Variants in EFR3A observed in about 807,000 individuals in gnomAD.
The protein encoded by EFR3A is protein EFR3 homolog A.
In EFR3A, 76 loss-of-function variants were observed where a neutral mutation model predicts 104.4. The ratio of observed to expected loss-of-function variants is 0.73; its 90% CI spans 0.60 to 0.88. EFR3A has a LOEUF of 0.88. Ranked by LOEUF, EFR3A falls within the 40% of genes least tolerant of loss-of-function variation. EFR3A has a pLI of 0.00. For missense variants in EFR3A, 985 were observed against 1,012.5 expected (o/e 0.97, Z 0.37); for synonymous variants, 330 against 330.0 (o/e 1.00, Z 0.00).
chr8:131,912,204 A>G (rs1272704293), intron 1 of EFR3A, among the ~76,000 whole-genome samples: 1 of 152,204 alleles, frequency 6.6e-6, no homozygotes, highest in Non-Finnish European at 1.5e-5. Flanking sequence ...GTGTGGTACT[A>G]GAACCCAGCT....
intron 10 of EFR3A, among the ~76,000 whole-genome samples, chr8:131,974,165 G>C (rs1820211745): frequency 6.6e-6 from 1 of 152,062 alleles, no homozygotes; most frequent in Non-Finnish European, 1.5e-5. Context: ...TAATTACTTT[G>C]GTATGTAACC....
chr8:131,904,412 G>A, intron 1 of EFR3A, 90 bp downstream of exon 1: 1 of 1,173,564 alleles, frequency 8.5e-7, no homozygotes, highest in Non-Finnish European at 1.1e-6. Flanking sequence ...CGGCTGGGGA[G>A]GCTGGGCCGC....
At chr8:131,990,959 T>C (rs1417062792) in intron 18 of EFR3A, among the ~76,000 whole-genome samples, 1 of 152,060 alleles carries the variant, frequency 6.6e-6, no homozygotes, top group East Asian at 1.9e-4. Context: ...TGTGTTTTGT[T>C]TTTCTGGGAG....
intron 1 of EFR3A, among the ~76,000 whole-genome samples, chr8:131,909,775 A>G (rs938505039): frequency 6.6e-6 from 1 of 152,184 alleles, no homozygotes; most frequent in Non-Finnish European, 1.5e-5. Flanking sequence ...ACGAACTGGA[A>G]GCCAGGAGTA....
chr8:131,965,860 A>G lies in EFR3A; in HGVS notation c.856-2435A>G, dbSNP rs911193250. Among the ~76,000 whole-genome samples the G allele has an allele frequency of 1.1e-4, 17 of 152,068 alleles. 1 individual carries two copies. Among genetic ancestry groups the G allele is most frequent in the Admixed American group, 1.0e-3 (16 of 15,252 alleles). On this transcript the variant is annotated intron_variant, in intron 8 of 22. Coordinates refer to ENST00000254624, the MANE Select transcript of EFR3A (RefSeq NM_015137.6). ...GATTAAGAAAATGTGGCACATATAC[A>G]CCATGGAATACTATGCAGCCATAAA...
intron 14 of EFR3A, among the ~76,000 whole-genome samples, chr8:131,981,408 G>A (rs1399869810): frequency 6.6e-6 from 1 of 151,932 alleles, no homozygotes; most frequent in Non-Finnish European, 1.5e-5. Context: ...TCCTTGCTAA[G>A]CATTTGTTGT....
rs754705082 is a variant in EFR3A, at chr8:132,003,250, T to C, written c.2325T>C (p.His775=). 12 of 1,612,914 alleles carry C rather than the reference T, an allele frequency of 7.4e-6. No individual in the cohort carries two copies. The highest frequency in any genetic ancestry group is 1.3e-5 in the African/African-American group (1 of 75,030). Residue 775 remains histidine (H), a synonymous_variant, in exon 22 of 23, where the codon CAT becomes CAC. Transcript: ENST00000254624. ...CTTTTTTGCAGGCAAATTTGCTTCATGATAGACTTGCCCAAATATTGGAAC... is the reference window on the plus strand; with the variant it reads ...CTTTTTTGCAGGCAAATTTGCTTCACGATAGACTTGCCCAAATATTGGAAC... ...AQCESKANLL[H]DRLAQILELT...
At chr8:131,984,605 A>G (rs533187024) in intron 15 of EFR3A, among the ~76,000 whole-genome samples, 2 of 152,250 alleles carry the variant, frequency 1.3e-5, no homozygotes, top group African/African-American at 2.4e-5. Flanking sequence ...AATGACATAC[A>G]TGCAGTTGTT....
chr8:131,905,498 A>C (rs541514238), intron 1 of EFR3A, among the ~76,000 whole-genome samples: 22 of 152,364 alleles, frequency 1.4e-4, no homozygotes, highest in African/African-American at 5.3e-4. Flanking sequence ...GCAAATCTTT[A>C]CATAGTCCTG....
In EFR3A at chr8:131,958,327, AC is replaced by A. The variant is rs1181583730; in HGVS notation, c.777-1255del. Among the ~76,000 whole-genome samples, 6 of 152,184 alleles carry A rather than the reference AC, an allele frequency of 3.9e-5. No individual in the cohort carries two copies. In the South Asian group the frequency reaches 1.0e-3, roughly 26 times the overall value. ...ATTTGCCTCAATTATAAGGCAAACT[AC>A]CCAATTTATCAGATTCAGGTTAACT... On this transcript the variant is annotated intron_variant, in intron 7 of 22. Transcript: ENST00000254624.
At chr8:131,973,790 C>G (rs1820193291) in intron 10 of EFR3A, among the ~76,000 whole-genome samples, 3 of 151,874 alleles carry the variant, frequency 2.0e-5, no homozygotes, top group Admixed American at 2.0e-4. Context: ...TTCTTCTGGG[C>G]TCATTTCTGT....
At chr8:131,909,978 A>T (rs1816437579) in intron 1 of EFR3A, among the ~76,000 whole-genome samples, 2 of 152,210 alleles carry the variant, frequency 1.3e-5, no homozygotes, top group African/African-American at 4.8e-5. Context: ...TTGCCGTCTC[A>T]GTGCAGAGGT....
intron 1 of EFR3A, among the ~76,000 whole-genome samples, chr8:131,917,996 A>G (rs183276522): frequency 6.6e-6 from 1 of 152,318 alleles, no homozygotes; most frequent in Admixed American, 6.5e-5. Flanking sequence ...GTGATAAATT[A>G]AAAGAATAGG....
chr8:131,979,937 G>T (rs1820520820), intron 14 of EFR3A, among the ~76,000 whole-genome samples: 1 of 152,022 alleles, frequency 6.6e-6, no homozygotes, highest in Non-Finnish European at 1.5e-5. Flanking sequence ...AGATCTACTG[G>T]CAAATGGCTG....
At chr8:131,940,779 G>GT in intron 2 of EFR3A, 3 of 805,076 alleles carry the variant, frequency 3.7e-6, no homozygotes, top group Non-Finnish European at 5.3e-6. Flanking sequence ...TAGTAGATTA[G>GT]GCACAAATCT....
At chr8:131,912,912 G>A (rs188695012) in intron 1 of EFR3A, among the ~76,000 whole-genome samples, 27 of 151,736 alleles carry the variant, frequency 1.8e-4, no homozygotes, top group Admixed American at 9.8e-4. Context: ...ATCTGTGAAC[G>A]ACTTTGAGAA....
intron 6 of EFR3A, among the ~76,000 whole-genome samples, chr8:131,955,333 A>G (rs912470036): frequency 2.6e-5 from 4 of 152,166 alleles, no homozygotes; most frequent in African/African-American, 4.8e-5. Context: ...GTATACAGAT[A>G]TTCTAGTTAG....
intron 15 of EFR3A, 145 bp downstream of exon 15, chr8:131,984,445 T>G (rs531870868): frequency 3.9e-6 from 3 of 763,386 alleles, no homozygotes; most frequent in African/African-American, 3.5e-5. Context: ...ATGACTACAT[T>G]CTTCATTTAT....
intron 1 of EFR3A, among the ~76,000 whole-genome samples, chr8:131,926,075 A>C (rs1408487180): frequency 1.3e-5 from 2 of 152,158 alleles, no homozygotes; most frequent in Non-Finnish European, 2.9e-5. Context: ...GTTATAGTTG[A>C]TTATTAGCTT....
Sources: allele counts gnomAD v4.1 joint callset (sites outside exome capture counted in the v4.1 genomes callset), GRCh38; gene constraint gnomAD v4.1.1; transcripts MANE v1.5; gene names NCBI Gene and HGNC (gene_info 2026-07-23, HGNC 2026-07-21).